CRB1: variants seen among roughly 807,000 people sequenced by gnomAD.
The protein encoded by CRB1 is protein crumbs homolog 1.
Under a neutral mutation model 120.0 loss-of-function variants are expected in CRB1, and 83 were observed. That is an observed-to-expected ratio of 0.69 (90% CI 0.58 to 0.83). The LOEUF is 0.83. CRB1 is among the 40% of genes least tolerant of loss of function. CRB1 has a pLI of 0.00. For synonymous variants in CRB1, 625 were observed against 612.5 expected, an observed-to-expected ratio of 1.02 and a Z score of -0.30; for missense variants, 1,699 against 1,687.6, an observed-to-expected ratio of 1.01 and a Z score of -0.12.
chr1:197,266,826 T>C (rs1286587038), upstream of CRB1, among the ~76,000 whole-genome samples: 1 of 152,176 alleles, frequency 6.6e-6, no homozygotes, highest in Non-Finnish European at 1.5e-5. Context: ...TAAGATTCTT[T>C]ACCTGAGTCT....
chr1:197,398,872 G>T (rs1662909639), intron 5 of CRB1, among the ~76,000 whole-genome samples: 1 of 149,418 alleles, frequency 6.7e-6, no homozygotes, highest in African/African-American at 2.5e-5. Flanking sequence ...AGATTGCCAG[G>T]AGCTGGGGTC....
chr1:197,339,534 C>T (rs1282574423), intron 2 of CRB1, among the ~76,000 whole-genome samples: 2 of 152,170 alleles, frequency 1.3e-5, no homozygotes, highest in Non-Finnish European at 2.9e-5. Context: ...TGAAGCCAGA[C>T]TACAATTATT....
At chr1:197,417,273 A>G (rs1664054957) in intron 5 of CRB1, among the ~76,000 whole-genome samples, 1 of 152,174 alleles carries the variant, frequency 6.6e-6, no homozygotes, top group African/African-American at 2.4e-5. Flanking sequence ...CAAAGATGAA[A>G]AAGCGTGATG....
At chr1:197,409,883 A>C (rs1027079646) in intron 5 of CRB1, among the ~76,000 whole-genome samples, 8 of 152,112 alleles carry the variant, frequency 5.3e-5, no homozygotes, top group Non-Finnish European at 1.0e-4. Context: ...CCAGGGGTTC[A>C]TGCCACACAC....
chr1:197,209,092 A>C, the CRB1 span, among the ~76,000 whole-genome samples: 1 of 152,124 alleles, frequency 6.6e-6, no homozygotes, highest in South Asian at 2.1e-4. Flanking sequence ...CAACAGCATC[A>C]AGTTTATTTC....
At chr1:197,407,523 A>G (rs1663478351) in intron 5 of CRB1, among the ~76,000 whole-genome samples, 2 of 152,220 alleles carry the variant, frequency 1.3e-5, no homozygotes, top group African/African-American at 4.8e-5. Flanking sequence ...TCCTGCGATC[A>G]GAGCTTCTTA....
chr1:197,380,936 T>A lies in CRB1; in HGVS notation c.1171+23923T>A, dbSNP rs1661923995. Among the ~76,000 whole-genome samples, 5 of 152,294 alleles carry A rather than the reference T, an allele frequency of 3.3e-5. No homozygotes were observed. The South Asian group carries it at 8.3e-4, about 25-fold the overall frequency. Reference sequence around the variant, plus strand: ...GTTGAACTGTCCTTGTTGGTGAGGATTTTTTAGCATGCAAAGTGTGTCCTT... The same window carrying A: ...GTTGAACTGTCCTTGTTGGTGAGGAATTTTTAGCATGCAAAGTGTGTCCTT... On this transcript the variant is annotated intron_variant, in intron 5 of 11. Transcript: ENST00000367400.
Position 197,452,593 on chromosome 1 carries a change from A to G in CRB1, c.4005+10301A>G, listed in dbSNP as rs555935310. ...GGATAAATATTATAATGCCCATCTT[A>G]TAGACGGGGGAAATAAGATTTAGAA... On this transcript the variant is annotated intron_variant, in intron 11 of 11. Coordinates refer to ENST00000367400, the MANE Select transcript of CRB1 (RefSeq NM_201253.3). Among the ~76,000 whole-genome samples the G allele has an allele frequency of 2.0e-5, 3 of 152,296 alleles. No homozygotes were observed. In the East Asian group the frequency reaches 5.8e-4, roughly 29 times the overall value.
chr1:197,350,076 C>T (rs1014375686), intron 4 of CRB1, among the ~76,000 whole-genome samples: 9 of 147,318 alleles, frequency 6.1e-5, no homozygotes, highest in South Asian at 4.3e-4. Flanking sequence ...GTCCGCAGTC[C>T]GGCCTGGGCG....
chr1:197,328,400 G>A (rs1246282997), intron 1 of CRB1, 22 bp from the exon 2 acceptor site: 1 of 1,570,734 alleles, frequency 6.4e-7, no homozygotes. Flanking sequence ...ATTTAATCTT[G>A]TTACTTTTTA....
At chr1:197,293,227 A>T (rs1656302778) in intron 1 of CRB1, among the ~76,000 whole-genome samples, 1 of 152,182 alleles carries the variant, frequency 6.6e-6, no homozygotes. Context: ...CAGGATGCAA[A>T]ATCAATGTGC....
At chr1:197,396,344 T>C (rs565318656) in intron 5 of CRB1, among the ~76,000 whole-genome samples, 1 of 152,296 alleles carries the variant, frequency 6.6e-6, no homozygotes, top group African/African-American at 2.4e-5. Context: ...AAATGAGCTA[T>C]ATTTCACGTT....
chr1:197,258,136 A>G, the CRB1 span, among the ~76,000 whole-genome samples: 1 of 152,228 alleles, frequency 6.6e-6, no homozygotes, highest in Non-Finnish European at 1.5e-5. Context: ...AGTTGCTAAC[A>G]ATTTAATTGT....
Position 197,408,387 on chromosome 1 carries a change from TAA to T in CRB1, c.1172-12610_1172-12609del, listed in dbSNP as rs781388552. ...GAATGTGTTTTAAATTTTATTCTAC[TAA>T]AATATATTTTAATACAACCATTTAT... On this transcript the variant is annotated intron_variant, in intron 5 of 11. Coordinates refer to ENST00000367400, the MANE Select transcript of CRB1 (RefSeq NM_201253.3). Among the ~76,000 whole-genome samples, 69 of 152,318 alleles carry T rather than the reference TAA, an allele frequency of 4.5e-4. 1 individual carries two copies. The highest frequency in any genetic ancestry group is 3.4e-3 in the Middle Eastern group (1 of 294).
At chr1:197,233,158 A>C in the CRB1 span, among the ~76,000 whole-genome samples, 4 of 152,142 alleles carry the variant, frequency 2.6e-5, no homozygotes, top group Non-Finnish European at 5.9e-5. Context: ...ACAATATTCC[A>C]TGTCAAGAAT....
At chr1:197,430,970 G>T (rs1271446700) in intron 8 of CRB1, among the ~76,000 whole-genome samples, 2 of 152,036 alleles carry the variant, frequency 1.3e-5, no homozygotes, top group East Asian at 3.9e-4. Context: ...GGAGGCAGAA[G>T]TGGGAGGACT....
chr1:197,378,870 T>C (rs1482951176), intron 5 of CRB1, among the ~76,000 whole-genome samples: 1 of 152,166 alleles, frequency 6.6e-6, no homozygotes, highest in Non-Finnish European at 1.5e-5. Context: ...AATACATGTG[T>C]TATAAAGAGA....
intron 1 of CRB1, among the ~76,000 whole-genome samples, chr1:197,271,656 A>G (rs1461592648): frequency 6.6e-6 from 1 of 152,206 alleles, no homozygotes; most frequent in East Asian, 1.9e-4. Context: ...GAAACTTATT[A>G]GAGTGAGACT....
chr1:197,349,490 T>C (rs1280232492), intron 4 of CRB1, among the ~76,000 whole-genome samples: 1 of 152,220 alleles, frequency 6.6e-6, no homozygotes, highest in Admixed American at 6.5e-5. Context: ...ACTCAAGGCC[T>C]AGTTATATAA....
Sources: gnomAD v4.1 joint callset for allele counts (sites outside exome capture counted in the v4.1 genomes callset) on GRCh38, gnomAD v4.1.1 for gene constraint, MANE v1.5 for transcripts, NCBI Gene and HGNC (gene_info 2026-07-23, HGNC 2026-07-21) for gene names.